Variants in ELOVL4 observed in about 807,000 individuals in gnomAD.
The protein encoded by ELOVL4 is very long chain fatty acid elongase 4.
Under a neutral mutation model 42.1 loss-of-function variants are expected in ELOVL4, and 18 were observed. The observed-to-expected ratio is 0.43, with a 90% CI of 0.30 to 0.63. The LOEUF is 0.63. ELOVL4 is among the 30% of genes least tolerant of loss of function. ELOVL4 has a pLI of 0.15. For synonymous variants in ELOVL4, 117 were observed against 127.0 expected (o/e 0.92, Z 0.53); for missense variants, 299 against 376.2 (o/e 0.79, Z 1.70).
chr6:79,934,173 G>C (rs1398849345), intron 1 of ELOVL4, among the ~76,000 whole-genome samples: 6 of 152,150 alleles, frequency 3.9e-5, no homozygotes, highest in Non-Finnish European at 8.8e-5. Context: ...AATCACACCA[G>C]AGTTTGAGGT....
intron 1 of ELOVL4, among the ~76,000 whole-genome samples, chr6:79,938,473 T>G (rs1235504459): frequency 6.6e-6 from 1 of 152,214 alleles, no homozygotes; most frequent in Non-Finnish European, 1.5e-5. Context: ...CTGAATGAAT[T>G]TCATTATCCT....
At chr6:79,934,675 G>A (rs896760838) in intron 1 of ELOVL4, among the ~76,000 whole-genome samples, 1 of 152,046 alleles carries the variant, frequency 6.6e-6, no homozygotes, top group African/African-American at 2.4e-5. Context: ...AGACTTACCA[G>A]CATTAGACTC....
intron 5 of ELOVL4, among the ~76,000 whole-genome samples, chr6:79,918,307 G>C (rs148915071): frequency 6.6e-6 from 1 of 152,276 alleles, no homozygotes; most frequent in African/African-American, 2.4e-5. Context: ...TCACCAAAAA[G>C]GGTGTGTATA....
At chr6:79,919,229 A>G (rs941944958) in intron 5 of ELOVL4, among the ~76,000 whole-genome samples, 191 bp downstream of exon 5, 1 of 152,150 alleles carries the variant, frequency 6.6e-6, no homozygotes, top group Non-Finnish European at 1.5e-5. Context: ...TATAAAAACA[A>G]AGATTTGCTG....
At chr6:79,938,151 G>T (rs534873174) in intron 1 of ELOVL4, among the ~76,000 whole-genome samples, 16 of 152,336 alleles carry the variant, frequency 1.1e-4, no homozygotes, top group African/African-American at 3.8e-4. Flanking sequence ...GAAGAATGTT[G>T]CCTCGTTTCC....
intron 1 of ELOVL4, among the ~76,000 whole-genome samples, chr6:79,933,509 T>C (rs1582052390): frequency 1.3e-5 from 2 of 151,926 alleles, no homozygotes; most frequent in Admixed American, 1.3e-4. Flanking sequence ...GGGATTACAG[T>C]CATGAGCCAC....
intron 2 of ELOVL4, among the ~76,000 whole-genome samples, chr6:79,925,683 T>C (rs1434737634): frequency 6.6e-6 from 1 of 152,160 alleles, no homozygotes; most frequent in African/African-American, 2.4e-5. Context: ...TAACAACAGC[T>C]ATATGGCAGT....
chr6:79,918,720 A>T (rs1240016022), intron 5 of ELOVL4, among the ~76,000 whole-genome samples: 2 of 152,234 alleles, frequency 1.3e-5, no homozygotes, highest in Non-Finnish European at 2.9e-5. Flanking sequence ...TTGAATTTCC[A>T]GTTTGATTAC....
intron 1 of ELOVL4, among the ~76,000 whole-genome samples, chr6:79,937,970 C>T (rs1000365920): frequency 7.9e-5 from 12 of 152,206 alleles, no homozygotes; most frequent in African/African-American, 2.7e-4. Context: ...CCTCAATGAT[C>T]CACCCGCCTC....
chr6:79,945,742 A>G (rs1647734413), intron 1 of ELOVL4, among the ~76,000 whole-genome samples: 1 of 152,134 alleles, frequency 6.6e-6, no homozygotes, highest in Non-Finnish European at 1.5e-5. Context: ...GGAAGGGCAC[A>G]TCTTTCCCAG....
intron 2 of ELOVL4, among the ~76,000 whole-genome samples, chr6:79,925,397 G>A (rs796461309): frequency 2.0e-5 from 3 of 152,250 alleles, no homozygotes; most frequent in African/African-American, 7.2e-5. Context: ...ATTAGGTACA[G>A]GTATCCAAAT....
At position 79,916,522 on chromosome 6, in the gene ELOVL4, C is replaced by G; in HGVS notation, c.*86G>C. On this transcript the variant is annotated 3_prime_UTR_variant, in exon 6 of 6. Transcript: ENST00000369816. ...TTTGTCTTTTCTCCCCACCCCCAAG[C>G]TCTCCTTTGCTTCTGTTTTCCCTGA... is the stretch of plus-strand genomic sequence containing the variant. 1 of 1,540,382 alleles carries G rather than the reference C, an allele frequency of 6.5e-7. No individual in the cohort carries two copies. The highest frequency in any genetic ancestry group is 8.9e-7 in the Non-Finnish European group (1 of 1,118,592).
intron 5 of ELOVL4, among the ~76,000 whole-genome samples, chr6:79,918,081 T>C (rs1181666570): frequency 6.6e-6 from 1 of 152,146 alleles, no homozygotes; most frequent in Non-Finnish European, 1.5e-5. Context: ...CAACATCCTG[T>C]TTGAAATGGA....
chr6:79,932,966 A>T (rs1444901229), intron 1 of ELOVL4, among the ~76,000 whole-genome samples: 1 of 152,186 alleles, frequency 6.6e-6, no homozygotes, highest in Non-Finnish European at 1.5e-5. Context: ...AATTAGAAAG[A>T]CCTACAAAAG....
At chr6:79,921,905 C>T (rs1774263314) in intron 3 of ELOVL4, 109 bp from the exon 4 acceptor site, 3 of 1,067,512 alleles carry the variant, frequency 2.8e-6, no homozygotes, top group Admixed American at 2.0e-5. Flanking sequence ...ACAAAATGTA[C>T]AAGGCATGGA....
intron 1 of ELOVL4, among the ~76,000 whole-genome samples, chr6:79,927,179 A>C (rs1774358289): frequency 6.6e-6 from 1 of 152,148 alleles, no homozygotes; most frequent in South Asian, 2.1e-4. Flanking sequence ...CACAAGTAAA[A>C]CATTTCTGAA....
At chr6:79,919,126 C>T (rs892815646) in intron 5 of ELOVL4, among the ~76,000 whole-genome samples, 3 of 150,152 alleles carry the variant, frequency 2.0e-5, no homozygotes, top group Non-Finnish European at 3.0e-5. Context: ...TACTTTGTAG[C>T]GTGCTTAGAT....
At chr6:79,943,452 C>T (rs952916856) in intron 1 of ELOVL4, among the ~76,000 whole-genome samples, 3 of 152,186 alleles carry the variant, frequency 2.0e-5, no homozygotes, top group Non-Finnish European at 4.4e-5. Flanking sequence ...ATCAACTCCT[C>T]ATTCAAGGGT....
intron 4 of ELOVL4, among the ~76,000 whole-genome samples, chr6:79,920,523 A>T (rs1263220887): frequency 6.6e-6 from 1 of 152,216 alleles, no homozygotes; most frequent in East Asian, 1.9e-4. Context: ...AGATTTTTTT[A>T]AACTTTGGAA....
Sources: allele counts gnomAD v4.1 joint callset (sites outside exome capture counted in the v4.1 genomes callset), GRCh38; gene constraint gnomAD v4.1.1; transcripts MANE v1.5; gene names NCBI Gene and HGNC (gene_info 2026-07-23, HGNC 2026-07-21).